EIF4ENIF1: variants seen among roughly 807,000 people sequenced by gnomAD.
The protein encoded by EIF4ENIF1 is eukaryotic translation initiation factor 4E transporter.
Under a neutral mutation model 110.5 loss-of-function variants are expected in EIF4ENIF1, and 23 were observed. The observed-to-expected ratio is 0.21, with a 90% CI of 0.15 to 0.29. The LOEUF is 0.29. EIF4ENIF1 is among the 10% of genes least tolerant of loss of function. EIF4ENIF1 has a pLI of 1.00. For missense variants in EIF4ENIF1, 1,031 were observed against 1,221.1 expected (o/e 0.84, Z 2.32); for synonymous variants, 440 against 437.0 (o/e 1.01, Z -0.09).
intron 10 of EIF4ENIF1, among the ~76,000 whole-genome samples, chr22:31,451,495 C>T (rs1306510769): frequency 6.6e-6 from 1 of 151,264 alleles, no homozygotes; most frequent in East Asian, 2.0e-4. Flanking sequence ...AGGATGGTCT[C>T]GATCTCCTGA....
At chr22:31,441,550 G>GA (rs771597260) in intron 17 of EIF4ENIF1, among the ~76,000 whole-genome samples, 12,966 of 65,074 alleles carry the variant, frequency 0.2, 812 homozygotes, top group East Asian at 0.38. Context: ...CTACAAAAAG[G>GA]AAAAAAAAAA....
At chr22:31,492,875 G>A (rs1470677433), upstream of EIF4ENIF1, among the ~76,000 whole-genome samples, 2 of 152,100 alleles carry the variant, frequency 1.3e-5, no homozygotes, top group African/African-American at 2.4e-5. Flanking sequence ...GGGATTACAG[G>A]CGCATGCCAC....
chr22:31,452,525 A>T (rs1308011877), intron 10 of EIF4ENIF1, among the ~76,000 whole-genome samples: 1 of 152,168 alleles, frequency 6.6e-6, no homozygotes, highest in Non-Finnish European at 1.5e-5. Context: ...AAATCCTAGA[A>T]TCATATCTGC....
At chr22:31,478,300 G>A (rs952966359) in intron 2 of EIF4ENIF1, among the ~76,000 whole-genome samples, 1 of 152,026 alleles carries the variant, frequency 6.6e-6, no homozygotes, top group Admixed American at 6.6e-5. Flanking sequence ...TATCACTTGA[G>A]TCAGGAGTTC....
At chr22:31,483,209 C>CTTTTT (rs60986284) in intron 2 of EIF4ENIF1, among the ~76,000 whole-genome samples, 3 of 89,468 alleles carry the variant, frequency 3.4e-5, no homozygotes, top group Non-Finnish European at 4.4e-5. Context: ...AGGAGACGAT[C>CTTTTT]TTTTTTTTTT....
intron 10 of EIF4ENIF1, among the ~76,000 whole-genome samples, chr22:31,453,915 A>C (rs903561414): frequency 6.6e-6 from 1 of 152,198 alleles, no homozygotes; most frequent in Non-Finnish European, 1.5e-5. Context: ...TGAATCTTTT[A>C]ATCTTTATAC....
chr22:31,465,337 A>AC (rs2051149352), intron 4 of EIF4ENIF1, among the ~76,000 whole-genome samples: 2 of 152,036 alleles, frequency 1.3e-5, no homozygotes, highest in African/African-American at 4.8e-5. Context: ...AAAAAAAAAA[A>AC]AAAACCAACA....
At chr22:31,456,172 C>A (rs1475735125) in intron 7 of EIF4ENIF1, among the ~76,000 whole-genome samples, 185 bp from the exon 8 acceptor site, 1 of 151,964 alleles carries the variant, frequency 6.6e-6, no homozygotes, top group Admixed American at 6.6e-5. Context: ...TTCTGAATAA[C>A]CCAAACTTGA....
intron 4 of EIF4ENIF1, among the ~76,000 whole-genome samples, chr22:31,464,577 C>G (rs756599793): frequency 1.8e-4 from 27 of 146,400 alleles, no homozygotes; most frequent in Non-Finnish European, 3.9e-4. Context: ...ACTTGGGAGG[C>G]TGAGGCAGGA....
chr22:31,460,211 C>CA (rs2145973782), intron 6 of EIF4ENIF1, among the ~76,000 whole-genome samples: 1 of 152,282 alleles, frequency 6.6e-6, no homozygotes, highest in South Asian at 2.1e-4. Flanking sequence ...TTGAAGACTA[C>CA]AAAAGAAGAT....
chr22:31,468,396 C>G, intron 3 of EIF4ENIF1, 94 bp from the exon 4 acceptor site: 1 of 1,545,632 alleles, frequency 6.5e-7, no homozygotes, highest in South Asian at 1.2e-5. Flanking sequence ...GTTATGGAAA[C>G]CCATTTCTCC....
intron 2 of EIF4ENIF1, among the ~76,000 whole-genome samples, chr22:31,473,739 T>G (rs1029448911): frequency 6.6e-6 from 1 of 152,250 alleles, no homozygotes; most frequent in South Asian, 2.1e-4. Context: ...CCTTTATCTA[T>G]GGTGCTAATT....
chr22:31,437,451 C>CCG (rs1555900380), downstream of EIF4ENIF1: 25 of 39,464 alleles, frequency 6.3e-4, no homozygotes, highest in Non-Finnish European at 1.2e-3. Context: ...TTGCCTTCAT[C>CCG]CCCCCCCCAC....
At position 31,442,695 on chromosome 22, in the gene EIF4ENIF1, A is replaced by G. The variant is rs529440948; in HGVS notation, c.2206+267T>C. On this transcript the variant is annotated intron_variant, in intron 16 of 18. Coordinates refer to ENST00000330125, the MANE Select transcript of EIF4ENIF1 (RefSeq NM_019843.4). ...TACTAATTATTAACTTTGAAGCCTA[A>G]CTAAGGATTCTAAACTAACACTCAT... Among the ~76,000 whole-genome samples the G allele has an allele frequency of 2.0e-5, 3 of 152,342 alleles. No individual in the cohort carries two copies. The South Asian group carries it at 6.2e-4, about 32-fold the overall frequency.
intron 7 of EIF4ENIF1, 36 bp downstream of exon 7, chr22:31,458,439 T>C (rs763082502): frequency 7.4e-7 from 1 of 1,351,138 alleles, no homozygotes; most frequent in Admixed American, 2.7e-5. Flanking sequence ...AGGTCAAATT[T>C]AACCACACAT....
chr22:31,452,602 C>T (rs2145939101), intron 10 of EIF4ENIF1, among the ~76,000 whole-genome samples: 1 of 152,244 alleles, frequency 6.6e-6, no homozygotes, highest in East Asian at 1.9e-4. Context: ...GTTGCTCACA[C>T]CAAAAGAAAG....
chr22:31,471,977 CTTCTG>C, intron 2 of EIF4ENIF1, 60 bp from the exon 3 acceptor site: 3 of 1,335,434 alleles, frequency 2.2e-6, no homozygotes, highest in East Asian at 4.7e-5. Flanking sequence ...ACACTTTAAA[CTTCTG>C]TTCTGAATAA....
chr22:31,447,638 T>C, intron 13 of EIF4ENIF1, 73 bp from the exon 14 acceptor site: 1 of 1,494,282 alleles, frequency 6.7e-7, no homozygotes. Flanking sequence ...TTCTCTTCAC[T>C]CTTAGAAAGG....
intron 4 of EIF4ENIF1, among the ~76,000 whole-genome samples, chr22:31,467,581 T>C (rs906147341): frequency 2.1e-4 from 32 of 152,058 alleles, no homozygotes; most frequent in Non-Finnish European, 4.1e-4. Flanking sequence ...TCCCAGCATT[T>C]TGGGAGGCCG....
Sources: allele counts gnomAD v4.1 joint callset (sites outside exome capture counted in the v4.1 genomes callset), GRCh38; gene constraint gnomAD v4.1.1; transcripts MANE v1.5; gene names NCBI Gene and HGNC (gene_info 2026-07-23, HGNC 2026-07-21).